Variants in GULP1 observed in about 807,000 individuals in gnomAD.
The protein encoded by GULP1 is PTB domain-containing engulfment adapter protein 1.
A neutral mutation model predicts 40.9 loss-of-function variants in GULP1; 19 were observed. That is an observed-to-expected ratio of 0.46 (90% CI 0.32 to 0.68). GULP1 has a LOEUF of 0.68. Ranked by LOEUF, GULP1 falls within the 30% of genes least tolerant of loss-of-function variation. GULP1 has a pLI of 0.03. For synonymous variants in GULP1, 119 were observed against 117.6 expected (o/e 1.01, Z -0.08); for missense variants, 312 against 362.2 (o/e 0.86, Z 1.12).
chr2:188,416,051 A>G (rs934972039), intron 2 of GULP1, among the ~76,000 whole-genome samples: 2 of 152,190 alleles, frequency 1.3e-5, no homozygotes, highest in African/African-American at 4.8e-5. Context: ...CATCTAGAAT[A>G]AAGTGGGAAT....
At chr2:188,408,628 A>C (rs896375224) in intron 2 of GULP1, among the ~76,000 whole-genome samples, 1 of 152,166 alleles carries the variant, frequency 6.6e-6, no homozygotes, top group African/African-American at 2.4e-5. Flanking sequence ...AGAAAACAAT[A>C]AGGAAACATT....
chr2:188,300,192 T>TA (rs754647947), intron 1 of GULP1, among the ~76,000 whole-genome samples: 39 of 152,118 alleles, frequency 2.6e-4, no homozygotes, highest in Non-Finnish European at 4.9e-4. Context: ...ACATGCAAAT[T>TA]AAAAAAATTT....
In GULP1 at chr2:188,569,226, G is replaced by T; in HGVS notation, c.400-13G>T. ...ATTATTAAAATGCAAATCTTTGTTT[G>T]ATTTTTACACAGGCTGAAGAGATCA... On this transcript the variant is annotated splice_polypyrimidine_tract_variant and intron_variant, in intron 7 of 11. Coordinates refer to ENST00000409830, the MANE Select transcript of GULP1 (RefSeq NM_016315.4). 7.5e-7 allele frequency: 1 copy of T among 1,330,180 alleles called. No homozygotes were observed. The highest frequency in any genetic ancestry group is 1.2e-5 in the South Asian group (1 of 83,332). The allele number at this position is 1,330,180 out of a possible 1,614,324, so 82.4% of individuals were successfully genotyped here. A position where few individuals can be genotyped will look rare whatever the true frequency, so the allele number is the denominator to read the frequency against.
At chr2:188,415,855 T>A (rs1263483029) in intron 2 of GULP1, among the ~76,000 whole-genome samples, 1 of 152,178 alleles carries the variant, frequency 6.6e-6, no homozygotes, top group Non-Finnish European at 1.5e-5. Context: ...TTGAGTCCGA[T>A]CATTCCCAGT....
chr2:188,483,263 C>T (rs1461662744), intron 3 of GULP1, among the ~76,000 whole-genome samples, 168 bp from the exon 4 acceptor site: 1 of 151,976 alleles, frequency 6.6e-6, no homozygotes, highest in African/African-American at 2.4e-5. Context: ...ATCCTATAAT[C>T]ACGCCCCAAC....
At chr2:188,393,338 C>CT (rs1337222654) in intron 2 of GULP1, among the ~76,000 whole-genome samples, 14 of 151,260 alleles carry the variant, frequency 9.3e-5, no homozygotes, top group Admixed American at 9.2e-4. Flanking sequence ...TAATGACCTT[C>CT]TTTTTTTATT....
chr2:188,510,973 CTGT>C (rs1475940102), intron 4 of GULP1, among the ~76,000 whole-genome samples: 1 of 151,998 alleles, frequency 6.6e-6, no homozygotes, highest in East Asian at 1.9e-4. Flanking sequence ...CTTGATGTGG[CTGT>C]TATTATTTCA....
At chr2:188,480,737 C>G (rs2061384022) in intron 3 of GULP1, among the ~76,000 whole-genome samples, 1 of 151,274 alleles carries the variant, frequency 6.6e-6, no homozygotes, top group Admixed American at 6.6e-5. Context: ...TTTATTACAT[C>G]AAATATAAAT....
chr2:188,430,170 G>C (rs1559231981), intron 2 of GULP1, among the ~76,000 whole-genome samples: 1 of 152,170 alleles, frequency 6.6e-6, no homozygotes, highest in Admixed American at 6.5e-5. Flanking sequence ...CAGAGTCATA[G>C]GTCATTGTAA....
intron 2 of GULP1, among the ~76,000 whole-genome samples, chr2:188,407,621 C>T (rs2053300439): frequency 6.6e-6 from 1 of 151,966 alleles, no homozygotes; most frequent in South Asian, 2.1e-4. Context: ...TGCTGGCAAC[C>T]ACAAAGCAAA....
intron 9 of GULP1, among the ~76,000 whole-genome samples, chr2:188,578,535 T>TAA (rs796735782): frequency 4.3e-5 from 5 of 116,308 alleles, no homozygotes; most frequent in African/African-American, 1.6e-4. Flanking sequence ...TAAAGTAAAA[T>TAA]AAAAAAAAAA....
intron 3 of GULP1, among the ~76,000 whole-genome samples, chr2:188,480,434 T>C (rs1172476514): frequency 6.6e-6 from 1 of 151,812 alleles, no homozygotes; most frequent in Non-Finnish European, 1.5e-5. Context: ...AAAAAGACCA[T>C]CTTAAACCTA....
At chr2:188,314,901 C>G (rs1158392243) in intron 1 of GULP1, among the ~76,000 whole-genome samples, 1 of 152,130 alleles carries the variant, frequency 6.6e-6, no homozygotes, top group Non-Finnish European at 1.5e-5. Context: ...GCTCCCCACC[C>G]ATTAGTCACT....
chr2:188,396,381 G>C (rs1454928993), intron 2 of GULP1, among the ~76,000 whole-genome samples: 3 of 152,222 alleles, frequency 2.0e-5, no homozygotes, highest in African/African-American at 4.8e-5. Flanking sequence ...TTGGCTACTG[G>C]AGTAATGTTT....
intron 7 of GULP1, among the ~76,000 whole-genome samples, chr2:188,550,795 A>T (rs1057178828): frequency 6.6e-6 from 1 of 151,532 alleles, no homozygotes; most frequent in East Asian, 1.9e-4. Context: ...AAAATAAAAA[A>T]TTAATGTTTT....
chr2:188,391,803 G>A (rs2050564288), intron 2 of GULP1, among the ~76,000 whole-genome samples: 1 of 151,774 alleles, frequency 6.6e-6, no homozygotes, highest in African/African-American at 2.4e-5. Flanking sequence ...AGTTTTTTGA[G>A]GGTTTTTACC....
intron 1 of GULP1, among the ~76,000 whole-genome samples, chr2:188,368,954 T>TATATAC (rs1409945638): frequency 8.4e-6 from 1 of 118,426 alleles, no homozygotes; most frequent in Non-Finnish European, 1.6e-5. Context: ...TATATATATA[T>TATATAC]ATATATATAT....
At chr2:188,322,523 G>A (rs976237292) in intron 1 of GULP1, among the ~76,000 whole-genome samples, 4 of 152,066 alleles carry the variant, frequency 2.6e-5, no homozygotes, top group Non-Finnish European at 4.4e-5. Context: ...TAGTATTCAT[G>A]GTGGTTTGTT....
At chr2:188,524,673 T>G (rs1685703265) in intron 5 of GULP1, among the ~76,000 whole-genome samples, 1 of 151,408 alleles carries the variant, frequency 6.6e-6, no homozygotes, top group South Asian at 2.1e-4. Flanking sequence ...AGAATATTTT[T>G]TAAATGTCAA....
Sources: gnomAD v4.1 joint callset for allele counts (sites outside exome capture counted in the v4.1 genomes callset) on GRCh38, gnomAD v4.1.1 for gene constraint, MANE v1.5 for transcripts, NCBI Gene and HGNC (gene_info 2026-07-23, HGNC 2026-07-21) for gene names.